The following PHACTR1 variants were observed in gnomAD, a reference collection of about 807,000 sequenced individuals.
PHACTR1 encodes phosphatase and actin regulator 1.
Under a neutral mutation model 69.2 loss-of-function variants are expected in PHACTR1, and 16 were observed. The observed-to-expected ratio is 0.23, with a 90% CI of 0.16 to 0.35. The LOEUF (loss-of-function observed/expected upper bound fraction) is 0.35, where lower values mean the gene tolerates loss of function less well. PHACTR1 is among the 10% of genes least tolerant of loss of function. PHACTR1 has a pLI of 1.00. For synonymous variants in PHACTR1, 312 were observed against 284.5 expected (o/e 1.10, Z -0.97); for missense variants, 510 against 734.7 (o/e 0.69, Z 3.54).
At chr6:12,922,066 C>T (rs1787779318) in intron 4 of PHACTR1, among the ~76,000 whole-genome samples, 1 of 152,186 alleles carries the variant, frequency 6.6e-6, no homozygotes, top group African/African-American at 2.4e-5. Context: ...CTTTGTGGCA[C>T]TATAAAGCAG....
At chr6:12,830,114 AAAG>A (rs1777325492) in intron 4 of PHACTR1, among the ~76,000 whole-genome samples, 1 of 70,932 alleles carries the variant, frequency 1.4e-5, no homozygotes, top group Non-Finnish European at 3.4e-5. Context: ...AGAAAGAAAG[AAAG>A]AAAGAAAGAA....
chr6:12,821,926 C>T (rs758108715), intron 4 of PHACTR1, among the ~76,000 whole-genome samples: 3 of 152,242 alleles, frequency 2.0e-5, no homozygotes, highest in South Asian at 2.1e-4. Flanking sequence ...ACATATTGTT[C>T]GGTATTCTGA....
At chr6:13,155,984 A>G (rs554909579) in intron 5 of PHACTR1, among the ~76,000 whole-genome samples, 1 of 152,280 alleles carries the variant, frequency 6.6e-6, no homozygotes, top group Admixed American at 6.5e-5. Context: ...CAACCCAAGT[A>G]AACTCAAATC....
At chr6:12,780,907 TGG>T (rs746930787) in intron 4 of PHACTR1, among the ~76,000 whole-genome samples, 1 of 152,184 alleles carries the variant, frequency 6.6e-6, no homozygotes, top group Non-Finnish European at 1.5e-5. Flanking sequence ...GGGGAAGGAA[TGG>T]GGAGAGACAT....
At chr6:12,924,512 C>G (rs9369652) in intron 4 of PHACTR1, among the ~76,000 whole-genome samples, 1 of 151,916 alleles carries the variant, frequency 6.6e-6, no homozygotes, top group African/African-American at 2.4e-5. Context: ...CGGTGGCTCA[C>G]GCCTGTAATC....
chr6:12,927,181 G>A (rs964500189), intron 4 of PHACTR1, among the ~76,000 whole-genome samples: 4 of 152,206 alleles, frequency 2.6e-5, no homozygotes, highest in Non-Finnish European at 5.9e-5. Flanking sequence ...AAATCCAGGC[G>A]AGTGGCAGAA....
chr6:12,994,458 A>G (rs1198940561), intron 4 of PHACTR1, among the ~76,000 whole-genome samples: 1 of 152,172 alleles, frequency 6.6e-6, no homozygotes. Context: ...GGGTGTGGAA[A>G]AAATTAGAGA....
At chr6:12,869,448 C>T (rs1781805161) in intron 4 of PHACTR1, among the ~76,000 whole-genome samples, 1 of 152,168 alleles carries the variant, frequency 6.6e-6, no homozygotes, top group Non-Finnish European at 1.5e-5. Context: ...TCTTCTGCAC[C>T]TCCACCTTCC....
chr6:12,880,843 G>A (rs1225939698), intron 4 of PHACTR1, among the ~76,000 whole-genome samples: 4 of 149,882 alleles, frequency 2.7e-5, no homozygotes, highest in South Asian at 2.1e-4. Flanking sequence ...CAGGGTCAGA[G>A]GTTTCATGTT....
chr6:12,856,096 G>T (rs1391101228), intron 4 of PHACTR1, among the ~76,000 whole-genome samples: 1 of 152,100 alleles, frequency 6.6e-6, no homozygotes, highest in African/African-American at 2.4e-5. Flanking sequence ...CAGTGGAAAA[G>T]CTCAGTGAAT....
In PHACTR1 at chr6:13,161,741, AT is replaced by A; in HGVS notation, c.496+1459del. On this transcript the variant is annotated intron_variant, in intron 6 of 14. Coordinates refer to ENST00000332995, the MANE Select transcript of PHACTR1 (RefSeq NM_030948.6). Reference sequence around the variant, plus strand: ...TCCTCTGGTGAATCTGACCTCCTTCATTCTTGTCATGGGCCTTCCCCGTGGT... The same window carrying A: ...TCCTCTGGTGAATCTGACCTCCTTCATCTTGTCATGGGCCTTCCCCGTGGT... Among the ~76,000 whole-genome samples, 4 of 152,172 alleles carry A rather than the reference AT, an allele frequency of 2.6e-5. No individual in the cohort carries two copies. The Middle Eastern group carries it at 0.014, about 521-fold the overall frequency.
At chr6:13,276,871 A>G (rs967902897) in intron 11 of PHACTR1, among the ~76,000 whole-genome samples, 4 of 152,230 alleles carry the variant, frequency 2.6e-5, no homozygotes, top group Admixed American at 6.5e-5. Flanking sequence ...GTGCACCAAT[A>G]CAACAAACTA....
At chr6:13,191,532 G>A (rs1222466923) in intron 7 of PHACTR1, among the ~76,000 whole-genome samples, 1 of 152,174 alleles carries the variant, frequency 6.6e-6, no homozygotes, top group Non-Finnish European at 1.5e-5. Context: ...TAGTTTGCAT[G>A]GTGTCAGCAG....
chr6:13,258,249 TA>T (rs1562080275), intron 10 of PHACTR1, among the ~76,000 whole-genome samples: 1 of 151,592 alleles, frequency 6.6e-6, no homozygotes, highest in Admixed American at 6.6e-5. Flanking sequence ...TTCCAGCTTC[TA>T]GGGGGGAGGC....
intron 4 of PHACTR1, among the ~76,000 whole-genome samples, chr6:12,985,541 A>ATATAT (rs1554186434): frequency 3.1e-4 from 41 of 132,762 alleles, no homozygotes; most frequent in Middle Eastern, 4.3e-3. Flanking sequence ...AAAAAAAAAA[A>ATATAT]ATATATATAT....
intron 10 of PHACTR1, among the ~76,000 whole-genome samples, chr6:13,270,492 G>T (rs1777485655): frequency 6.6e-6 from 1 of 152,120 alleles, no homozygotes; most frequent in Non-Finnish European, 1.5e-5. Context: ...ACAAACTCTG[G>T]TGTAATCCAA....
chr6:12,908,242 G>A (rs568582320), intron 4 of PHACTR1, among the ~76,000 whole-genome samples: 136 of 152,240 alleles, frequency 8.9e-4, no homozygotes, highest in Middle Eastern at 3.4e-3. Flanking sequence ...GATCGTTATC[G>A]AGTTCCCCTT....
chr6:12,843,474 T>C (rs574220192), intron 4 of PHACTR1, among the ~76,000 whole-genome samples: 16 of 152,320 alleles, frequency 1.1e-4, no homozygotes, highest in African/African-American at 3.8e-4. Context: ...TGTGTGTGTA[T>C]AGACAGATAA....
chr6:12,755,182 AC>A (rs1487435571), intron 4 of PHACTR1, among the ~76,000 whole-genome samples: 20 of 152,278 alleles, frequency 1.3e-4, no homozygotes, highest in Middle Eastern at 3.4e-3. Flanking sequence ...ATGGTAAATT[AC>A]TTTTTTGGTT....
Sources: gnomAD v4.1 joint callset for allele counts (sites outside exome capture counted in the v4.1 genomes callset) on GRCh38, gnomAD v4.1.1 for gene constraint, MANE v1.5 for transcripts, NCBI Gene and HGNC (gene_info 2026-07-23, HGNC 2026-07-21) for gene names.